Variants in MYCBP2 observed in about 807,000 individuals in gnomAD.
MYCBP2 encodes E3 ubiquitin-protein ligase MYCBP2.
A neutral mutation model predicts 525.3 loss-of-function variants in MYCBP2; 120 were observed. The ratio of observed to expected loss-of-function variants is 0.23; its 90% CI spans 0.20 to 0.27. MYCBP2 has a LOEUF of 0.27. Among genes scored for constraint, MYCBP2 ranks in the 10% least tolerant of loss-of-function variants. The pLI, the probability that MYCBP2 is intolerant of heterozygous loss-of-function variation, is 1.00. For synonymous variants in MYCBP2, 1,894 were observed against 1,955.8 expected, an observed-to-expected ratio of 0.97 and a Z score of 0.83; for missense variants, 4,149 against 5,657.1, an observed-to-expected ratio of 0.73 and a Z score of 8.55.
At position 77,081,773 on chromosome 13, in the gene MYCBP2, C is replaced by T. The variant is rs1375750699; in HGVS notation, c.11193+64G>A. 1 of 1,553,120 alleles carries T rather than the reference C, an allele frequency of 6.4e-7. No homozygotes were observed. Among genetic ancestry groups the T allele is most frequent in the African/African-American group, 1.4e-5 (1 of 72,832 alleles). On this transcript the variant is annotated intron_variant, in intron 64 of 82. Transcript: ENST00000544440. The surrounding 1 kb of genome is among the most constrained non-coding windows in gnomAD (Gnocchi z 4.6). Reference sequence around the variant, plus strand: ...GATCAAATTGATTATGAATAACTTACAGTTTCTCCTTTGATGTATTATTAA... The same window carrying T: ...GATCAAATTGATTATGAATAACTTATAGTTTCTCCTTTGATGTATTATTAA...
rs1486190934 is a variant in MYCBP2, at chr13:77,189,053, G to A, written c.4155-6C>T. 18 of 1,587,900 alleles carry A rather than the reference G, an allele frequency of 1.1e-5. No individual in the cohort carries two copies. The highest frequency in any genetic ancestry group is 1.5e-5 in the Non-Finnish European group (17 of 1,166,436). On this transcript the variant is annotated splice_polypyrimidine_tract_variant and splice_region_variant and intron_variant, in intron 29 of 82. Coordinates refer to ENST00000544440, the MANE Select transcript of MYCBP2 (RefSeq NM_015057.5). ...TGCCATCACTGGTTGGAAGTCTAAA[G>A]GCAGTAGACACATATAAAATTATGT...
chr13:77,282,235 ACC>A (rs1258719031), intron 3 of MYCBP2, among the ~76,000 whole-genome samples: 2 of 152,074 alleles, frequency 1.3e-5, no homozygotes, highest in African/African-American at 2.4e-5. Flanking sequence ...ACATGGTGAA[ACC>A]CCATCTCTAC....
chr13:77,255,874 CA>C (rs1247148624), intron 14 of MYCBP2, among the ~76,000 whole-genome samples: 1 of 151,846 alleles, frequency 6.6e-6, no homozygotes, highest in Non-Finnish European at 1.5e-5. Context: ...GTACTTTAAC[CA>C]AAGTTCAACG....
intron 1 of MYCBP2, among the ~76,000 whole-genome samples, chr13:77,303,810 A>G (rs2079080418): frequency 1.3e-5 from 2 of 152,186 alleles, no homozygotes; most frequent in African/African-American, 4.8e-5. Context: ...TAGACTTACA[A>G]CTCAAGAAGC....
intron 24 of MYCBP2, 102 bp from the exon 25 acceptor site, chr13:77,205,700 C>T (rs370969754): frequency 2.9e-5 from 27 of 938,960 alleles, no homozygotes; most frequent in East Asian, 1.4e-4. Context: ...TAAATAAACT[C>T]AGAATGTTAC....
chr13:77,123,064 G>C (rs952047346), intron 54 of MYCBP2, among the ~76,000 whole-genome samples: 8 of 152,162 alleles, frequency 5.3e-5, no homozygotes, highest in African/African-American at 1.9e-4. Context: ...AAGACCAATA[G>C]AGAATTTTTA....
intron 82 of MYCBP2, among the ~76,000 whole-genome samples, chr13:77,046,155 G>A (rs2035519034): frequency 6.6e-6 from 1 of 152,120 alleles, no homozygotes; most frequent in South Asian, 2.1e-4. Flanking sequence ...CCTATCAAAT[G>A]TACCAAAAAC....
chr13:77,213,465 G>A (rs569602790), intron 21 of MYCBP2, among the ~76,000 whole-genome samples: 1 of 151,870 alleles, frequency 6.6e-6, no homozygotes, highest in Non-Finnish European at 1.5e-5. Flanking sequence ...ATGACAGAGT[G>A]AGGCTCTGTC....
intron 52 of MYCBP2, among the ~76,000 whole-genome samples, chr13:77,135,105 A>C (rs1248520461): frequency 6.6e-6 from 1 of 152,232 alleles, no homozygotes; most frequent in Non-Finnish European, 1.5e-5. Context: ...ATGTCAATAC[A>C]AAATTGTTTT....
chr13:77,218,778 T>C (rs551073889), intron 20 of MYCBP2, among the ~76,000 whole-genome samples: 5 of 152,182 alleles, frequency 3.3e-5, no homozygotes, highest in Admixed American at 6.5e-5. Context: ...TTAGTAACCA[T>C]TATCTGTAAT....
intron 54 of MYCBP2, 92 bp from the exon 55 acceptor site, chr13:77,121,587 T>C (rs1448628826): frequency 1.6e-6 from 2 of 1,251,156 alleles, no homozygotes; most frequent in Non-Finnish European, 2.1e-6. Flanking sequence ...GATTTTATGA[T>C]GGTTAGATTT....
chr13:77,257,578 C>T, intron 14 of MYCBP2, 93 bp downstream of exon 14: 1 of 1,250,046 alleles, frequency 8.0e-7, no homozygotes, highest in Non-Finnish European at 1.1e-6. Flanking sequence ...AAGAGCCACT[C>T]ATTTTGAAAA....
intron 43 of MYCBP2, among the ~76,000 whole-genome samples, chr13:77,162,997 C>A (rs1474969356): frequency 5.9e-5 from 9 of 152,130 alleles, no homozygotes; most frequent in Non-Finnish European, 8.8e-5. Context: ...TCTTCTGCAA[C>A]TTGCTTTTCT....
intron 55 of MYCBP2, among the ~76,000 whole-genome samples, chr13:77,115,912 C>T (rs946557345): frequency 6.6e-6 from 1 of 151,296 alleles, no homozygotes; most frequent in African/African-American, 2.4e-5. Flanking sequence ...ACTCTAGATG[C>T]CAGACCTAGT....
At chr13:77,117,501 C>T (rs1278893031) in intron 55 of MYCBP2, among the ~76,000 whole-genome samples, 1 of 152,044 alleles carries the variant, frequency 6.6e-6, no homozygotes, top group African/African-American at 2.4e-5. Flanking sequence ...ACCCTAATAA[C>T]AGTTATTAAA....
At chr13:77,101,481 C>T (rs1044213828) in intron 55 of MYCBP2, among the ~76,000 whole-genome samples, 20 of 151,964 alleles carry the variant, frequency 1.3e-4, no homozygotes, top group Admixed American at 8.5e-4. Flanking sequence ...TCTGTGGTTG[C>T]CTGAAAAATG....
intron 77 of MYCBP2, 23 bp downstream of exon 77, chr13:77,059,500 G>T (rs764133748): frequency 2.5e-5 from 39 of 1,530,094 alleles, no homozygotes; most frequent in Non-Finnish European, 3.4e-5. Flanking sequence ...ACAATGGGAT[G>T]GCCTGTGTCA....
At chr13:77,309,242 T>C (rs770979576) in intron 1 of MYCBP2, among the ~76,000 whole-genome samples, 4 of 152,234 alleles carry the variant, frequency 2.6e-5, no homozygotes, top group Admixed American at 6.5e-5. Flanking sequence ...TGGCTCATTA[T>C]AATTTCTTAT....
At chr13:77,283,782 A>G (rs2076444895) in intron 3 of MYCBP2, among the ~76,000 whole-genome samples, 1 of 152,204 alleles carries the variant, frequency 6.6e-6, no homozygotes, top group Admixed American at 6.5e-5. Context: ...CTGTAGTCCC[A>G]GCTACATGGG....
Sources: allele counts gnomAD v4.1 joint callset (sites outside exome capture counted in the v4.1 genomes callset), GRCh38; gene constraint gnomAD v4.1.1; non-coding constraint Gnocchi (gnomAD v3.1); transcripts MANE v1.5; gene names NCBI Gene and HGNC (gene_info 2026-07-23, HGNC 2026-07-21).